The following ROPN1L variants were observed in gnomAD, a reference collection of about 807,000 sequenced individuals.
ROPN1L encodes the protein ropporin-1-like protein.
Under a neutral mutation model 22.7 loss-of-function variants are expected in ROPN1L, and 23 were observed. That is an observed-to-expected ratio of 1.01 (90% CI 0.73 to 1.43). ROPN1L has a LOEUF of 1.43. Among genes scored for constraint, ROPN1L ranks in the 40% most tolerant of loss-of-function variants. The pLI, the probability that ROPN1L is intolerant of heterozygous loss-of-function variation, is 0.00. For synonymous variants in ROPN1L, 116 were observed against 117.8 expected (o/e 0.98, Z 0.10); for missense variants, 271 against 291.5 (o/e 0.93, Z 0.51).
At chr5:10,478,608 G>A in the ROPN1L span, among the ~76,000 whole-genome samples, 1 of 152,112 alleles carries the variant, frequency 6.6e-6, no homozygotes, top group Non-Finnish European at 1.5e-5. Flanking sequence ...GCGTACGACT[G>A]TGCATCCTCT....
chr5:10,453,620 G>C (rs542896098), intron 3 of ROPN1L, among the ~76,000 whole-genome samples: 26 of 152,236 alleles, frequency 1.7e-4, no homozygotes, highest in Non-Finnish European at 3.1e-4. Context: ...GCCGCTGCCT[G>C]CGTGAGCGGG....
At chr5:10,463,436 G>A (rs911958136) in intron 4 of ROPN1L, among the ~76,000 whole-genome samples, 3 of 152,178 alleles carry the variant, frequency 2.0e-5, no homozygotes, top group Non-Finnish European at 4.4e-5. Flanking sequence ...CGCAGGGTCC[G>A]GGGAGCTGTG....
At chr5:10,471,654 C>T (rs184663485) in intron 4 of ROPN1L, among the ~76,000 whole-genome samples, 1 of 152,228 alleles carries the variant, frequency 6.6e-6, no homozygotes, top group East Asian at 1.9e-4. Context: ...GAAGCTGTTG[C>T]GGGGATCCAC....
chr5:10,463,639 G>A (rs185567750), intron 4 of ROPN1L, among the ~76,000 whole-genome samples: 3 of 152,156 alleles, frequency 2.0e-5, no homozygotes, highest in African/African-American at 4.8e-5. Flanking sequence ...CTCTCATCTC[G>A]AATTGCCCAC....
intron 2 of ROPN1L, among the ~76,000 whole-genome samples, chr5:10,448,683 G>A (rs143648258): frequency 5.9e-4 from 90 of 152,298 alleles, no homozygotes; most frequent in Middle Eastern, 3.4e-3. Flanking sequence ...GATTCTGCTG[G>A]GCAAAACATA....
At chr5:10,479,216 C>A in the ROPN1L span, among the ~76,000 whole-genome samples, 1 of 152,234 alleles carries the variant, frequency 6.6e-6, no homozygotes, top group Non-Finnish European at 1.5e-5. Context: ...GAAAGTGACA[C>A]TGGTCTACAA....
At chr5:10,444,812 T>C (rs894588638) in intron 1 of ROPN1L, among the ~76,000 whole-genome samples, 46 of 151,378 alleles carry the variant, frequency 3.0e-4, no homozygotes, top group African/African-American at 1.1e-3. Flanking sequence ...GGCAGGAGAA[T>C]TGTTTGAAAC....
chr5:10,459,985 C>T (rs879812051), intron 3 of ROPN1L, among the ~76,000 whole-genome samples: 1 of 152,204 alleles, frequency 6.6e-6, no homozygotes, highest in African/African-American at 2.4e-5. Flanking sequence ...TGTGAGCTCA[C>T]CTTCATCAGT....
chr5:10,449,987 T>C lies in ROPN1L; in HGVS notation c.291T>C (p.Leu97=), dbSNP rs1264455309. The C allele has an allele frequency of 1.1e-5, 18 of 1,613,900 alleles. No homozygotes were observed. The highest frequency in any genetic ancestry group is 1.4e-5 in the Non-Finnish European group (17 of 1,179,884). ...HHKRYVELTD[L]EQKWKNLCLP... ...AGCGGTATGTGGAATTAACAGATCTTGAGCAGAAGTGGAAGAACTTGTGCC... is the reference window on the plus strand; with the variant it reads ...AGCGGTATGTGGAATTAACAGATCTCGAGCAGAAGTGGAAGAACTTGTGCC... Residue 97 remains leucine (L), a synonymous_variant, in exon 3 of 5, where the codon CTT becomes CTC. Transcript: ENST00000274134.
chr5:10,480,762 C>T, the ROPN1L span, among the ~76,000 whole-genome samples: 3 of 152,062 alleles, frequency 2.0e-5, no homozygotes, highest in South Asian at 6.2e-4. Context: ...CCAGGCAGCT[C>T]GTGTGCTCAT....
chr5:10,458,110 CTT>C (rs529523668), intron 3 of ROPN1L, among the ~76,000 whole-genome samples: 259 of 152,226 alleles, frequency 1.7e-3, no homozygotes, highest in African/African-American at 6.0e-3. Flanking sequence ...CTGCTGGAAA[CTT>C]AGCAGTAGGC....
intron 3 of ROPN1L, among the ~76,000 whole-genome samples, chr5:10,456,749 G>A (rs1396596755): frequency 6.6e-6 from 1 of 152,196 alleles, no homozygotes; most frequent in Non-Finnish European, 1.5e-5. Context: ...AATTGCTGCA[G>A]ATCTTATTGT....
rs547428818 is a variant in ROPN1L at position 10,463,506 on chromosome 5, A to G, written c.594-1342A>G. ...GGGCCTTCTAGGTGCAAGGGCAGGA[A>G]AGGGCCCAGGTCCTCCAGGCTCCAG... On this transcript the variant is annotated intron_variant, in intron 4 of 4. Coordinates refer to ENST00000274134, the MANE Select transcript of ROPN1L (RefSeq NM_031916.5). Among the ~76,000 whole-genome samples the G allele has an allele frequency of 1.7e-4, 26 of 152,268 alleles. No individual in the cohort carries two copies. In the South Asian group the frequency reaches 5.0e-3, roughly 29 times the overall value.
chr5:10,475,265 A>G (rs1735303735), downstream of ROPN1L, among the ~76,000 whole-genome samples: 2 of 152,162 alleles, frequency 1.3e-5, no homozygotes, highest in African/African-American at 4.8e-5. Flanking sequence ...GGGCAAGGGG[A>G]TTTCTCTGGG....
At chr5:10,457,109 C>G (rs1376818968) in intron 3 of ROPN1L, among the ~76,000 whole-genome samples, 6 of 152,200 alleles carry the variant, frequency 3.9e-5, no homozygotes. Context: ...TTTAGAGGAG[C>G]CACGTGTGCA....
chr5:10,443,642 A>AAC (rs1491020081), intron 1 of ROPN1L, among the ~76,000 whole-genome samples: 1 of 151,960 alleles, frequency 6.6e-6, no homozygotes, highest in African/African-American at 2.4e-5. Context: ...AAAAAAAAAA[A>AAC]CACAGACATA....
intron 3 of ROPN1L, among the ~76,000 whole-genome samples, chr5:10,460,163 CATG>C (rs147552627): frequency 0.016 from 2,467 of 152,254 alleles, 73 homozygotes; most frequent in African/African-American, 0.056. Flanking sequence ...GGCTGCAGGT[CATG>C]ATGTCTTGGT....
At chr5:10,480,988 C>T in the ROPN1L span, among the ~76,000 whole-genome samples, 121 of 152,256 alleles carry the variant, frequency 7.9e-4, 2 homozygotes, top group African/African-American at 2.8e-3. Flanking sequence ...CTGTTTCTTC[C>T]GTCAAACACC....
downstream of ROPN1L, among the ~76,000 whole-genome samples, chr5:10,476,465 C>T (rs768913540): frequency 6.6e-6 from 1 of 152,246 alleles, no homozygotes; most frequent in Non-Finnish European, 1.5e-5. Context: ...CCTTGTGCAT[C>T]TGCTAGGGAG....
Sources: gnomAD v4.1 joint callset for allele counts (sites outside exome capture counted in the v4.1 genomes callset) on GRCh38, gnomAD v4.1.1 for gene constraint, MANE v1.5 for transcripts, NCBI Gene and HGNC (gene_info 2026-07-23, HGNC 2026-07-21) for gene names.